The following DGKB variants were observed in gnomAD, a reference collection of about 807,000 sequenced individuals.
The protein encoded by DGKB is diacylglycerol kinase beta, also known as 90 kDa diacylglycerol kinase.
DGKB carries 67 observed loss-of-function variants against 114.3 expected under a neutral mutation model. The ratio of observed to expected loss-of-function variants is 0.59; its 90% CI spans 0.48 to 0.72. The LOEUF is 0.72. Ranked by LOEUF, DGKB falls within the 30% of genes least tolerant of loss-of-function variation. The pLI is 0.00. For synonymous variants in DGKB, 398 were observed against 323.1 expected (o/e 1.23, Z -2.49); for missense variants, 907 against 975.2 (o/e 0.93, Z 0.93).
rs1158442412 is a variant in DGKB at position 14,531,322 on chromosome 7, C to T, written c.1770+42890G>A. Among the ~76,000 whole-genome samples, 7 of 151,444 alleles carry T rather than the reference C, an allele frequency of 4.6e-5. No individual in the cohort carries two copies. The East Asian group carries it at 1.2e-3, about 25-fold the overall frequency. ...AGAATATTCCAATTTTAGAGCCCAA[C>T]AAAAACATCACTGGAATTTATAAAT... On this transcript the variant is annotated intron_variant, in intron 20 of 25. Transcript: ENST00000402815.
chr7:14,746,813 T>C (rs1487726905), intron 4 of DGKB, among the ~76,000 whole-genome samples: 1 of 152,170 alleles, frequency 6.6e-6, no homozygotes, highest in African/African-American at 2.4e-5. Context: ...TGCCTTTTTA[T>C]TGGTACAGAA....
At chr7:14,522,069 G>A (rs915058910) in intron 20 of DGKB, among the ~76,000 whole-genome samples, 1 of 152,094 alleles carries the variant, frequency 6.6e-6, no homozygotes, top group African/African-American at 2.4e-5. Context: ...GTGTGTTGCT[G>A]TTACACATAG....
intron 21 of DGKB, among the ~76,000 whole-genome samples, chr7:14,473,499 G>C (rs1479840961): frequency 1.3e-5 from 2 of 152,198 alleles, no homozygotes; most frequent in African/African-American, 4.8e-5. Flanking sequence ...GAAGGGAAAT[G>C]TGGGGTCAGA....
At chr7:14,831,422 T>C (rs1846394595) in intron 2 of DGKB, among the ~76,000 whole-genome samples, 1 of 152,052 alleles carries the variant, frequency 6.6e-6, no homozygotes, top group South Asian at 2.1e-4. Context: ...GTTTTTGTAG[T>C]GGACAACCTT....
intron 1 of DGKB, among the ~76,000 whole-genome samples, chr7:14,917,063 T>C (rs1040072647): frequency 6.6e-6 from 1 of 152,036 alleles, no homozygotes; most frequent in African/African-American, 2.4e-5. Flanking sequence ...CCAAAGAAAT[T>C]TTAAAATATT....
intron 1 of DGKB, among the ~76,000 whole-genome samples, chr7:14,897,230 G>A (rs1258692347): frequency 1.3e-5 from 2 of 151,824 alleles, no homozygotes; most frequent in African/African-American, 4.8e-5. Context: ...AATACTAAAT[G>A]AAATAAATGT....
chr7:14,895,907 C>A (rs1782031131), intron 1 of DGKB, among the ~76,000 whole-genome samples: 1 of 151,680 alleles, frequency 6.6e-6, no homozygotes, highest in African/African-American at 2.4e-5. Context: ...TGGTCAAGAG[C>A]CAAACAAGAA....
intron 22 of DGKB, among the ~76,000 whole-genome samples, chr7:14,340,459 T>G (rs1337730258): frequency 6.6e-6 from 1 of 151,614 alleles, no homozygotes; most frequent in Non-Finnish European, 1.5e-5. Context: ...ATGCATATTA[T>G]ATCTTTTGCA....
intron 1 of DGKB, among the ~76,000 whole-genome samples, chr7:14,922,438 T>C (rs1410466694): frequency 6.6e-6 from 1 of 150,908 alleles, no homozygotes; most frequent in Non-Finnish European, 1.5e-5. Context: ...AGGGGAGTAG[T>C]ATGGCTCTTC....
At chr7:14,635,530 G>A (rs1191194934) in intron 13 of DGKB, among the ~76,000 whole-genome samples, 1 of 151,306 alleles carries the variant, frequency 6.6e-6, no homozygotes, top group Non-Finnish European at 1.5e-5. Context: ...CTATGAAATC[G>A]AGGAGGAGAA....
At chr7:14,276,478 G>A (rs1799013000) in intron 23 of DGKB, among the ~76,000 whole-genome samples, 1 of 151,840 alleles carries the variant, frequency 6.6e-6, no homozygotes. Flanking sequence ...CGACATAAAG[G>A]AAATACCCAG....
chr7:14,584,637 T>A (rs1020361687), intron 17 of DGKB, among the ~76,000 whole-genome samples: 2 of 152,028 alleles, frequency 1.3e-5, no homozygotes, highest in African/African-American at 4.8e-5. Context: ...TTTCTTTCTA[T>A]TGAATTGCCT....
At chr7:14,869,328 A>G (rs1852125727) in intron 1 of DGKB, among the ~76,000 whole-genome samples, 1 of 152,178 alleles carries the variant, frequency 6.6e-6, no homozygotes, top group African/African-American at 2.4e-5. Flanking sequence ...TCAGATTTTG[A>G]CAGGATTATA....
At chr7:14,560,830 G>C (rs915195932) in intron 20 of DGKB, among the ~76,000 whole-genome samples, 25 of 152,256 alleles carry the variant, frequency 1.6e-4, no homozygotes, top group Non-Finnish European at 2.9e-4. Context: ...CATTATGCAG[G>C]AGTCCCAATT....
intron 23 of DGKB, among the ~76,000 whole-genome samples, chr7:14,200,554 A>T (rs1785702592): frequency 6.6e-6 from 1 of 152,116 alleles, no homozygotes; most frequent in African/African-American, 2.4e-5. Flanking sequence ...CTTACATTTT[A>T]TCTCAATGTT....
intron 1 of DGKB, among the ~76,000 whole-genome samples, chr7:14,852,487 C>CAAAAAAAAAAAAAAAAAAAAACA: frequency 1.6e-5 from 1 of 63,634 alleles, no homozygotes; most frequent in Non-Finnish European, 3.0e-5. Flanking sequence ...TAGTGAAAGT[C>CAAAAAAAAAAAAAAAAAAAAACA]AAAAAAAAAA....
At chr7:14,626,582 A>C (rs1166529425) in intron 14 of DGKB, among the ~76,000 whole-genome samples, 1 of 152,216 alleles carries the variant, frequency 6.6e-6, no homozygotes, top group African/African-American at 2.4e-5. Context: ...GGTCTGAGAC[A>C]CCAACTTACT....
At chr7:14,886,535 C>T (rs935112658) in intron 1 of DGKB, among the ~76,000 whole-genome samples, 1 of 151,844 alleles carries the variant, frequency 6.6e-6, no homozygotes, top group East Asian at 1.9e-4. Context: ...GGCTAAAGGC[C>T]ACTCTTGACT....
At chr7:14,689,212 T>TTTTTTTTTTTTTG (rs1822344973) in intron 9 of DGKB, among the ~76,000 whole-genome samples, 1 of 130,492 alleles carries the variant, frequency 7.7e-6, no homozygotes, top group Non-Finnish European at 1.7e-5. Flanking sequence ...TTTTTTTTTT[T>TTTTTTTTTTTTTG]TTTTTTTTTT....
Sources: gnomAD v4.1 joint callset for allele counts (sites outside exome capture counted in the v4.1 genomes callset) on GRCh38, gnomAD v4.1.1 for gene constraint, MANE v1.5 for transcripts, NCBI Gene and HGNC (gene_info 2026-07-23, HGNC 2026-07-21) for gene names.